The following TAFA2 variants were observed in gnomAD, a reference collection of about 807,000 sequenced individuals.
TAFA2 encodes TAFA chemokine like family member 2.
TAFA2 carries 7 observed loss-of-function variants against 18.8 expected under a neutral mutation model. The ratio of observed to expected loss-of-function variants is 0.37; its 90% CI spans 0.21 to 0.70. TAFA2 has a LOEUF of 0.70. Ranked by LOEUF, TAFA2 falls within the 30% of genes least tolerant of loss-of-function variation. The pLI is 0.53. For missense variants in TAFA2, 122 were observed against 158.1 expected (o/e 0.77, Z 1.23); for synonymous variants, 60 against 54.2 (o/e 1.11, Z -0.47).
chr12:62,149,724 AG>A (rs2062314737), intron 1 of TAFA2, among the ~76,000 whole-genome samples: 1 of 152,014 alleles, frequency 6.6e-6, no homozygotes, highest in African/African-American at 2.4e-5. Flanking sequence ...ATCATTTTTA[AG>A]GTTCATTCTT....
At chr12:62,025,407 A>C (rs1468276767) in intron 1 of TAFA2, among the ~76,000 whole-genome samples, 1 of 152,190 alleles carries the variant, frequency 6.6e-6, no homozygotes, top group Non-Finnish European at 1.5e-5. Context: ...AATCAAAAAT[A>C]AATGTTGAAA....
chr12:62,172,397 T>C (rs917448997), intron 1 of TAFA2, among the ~76,000 whole-genome samples: 1 of 152,174 alleles, frequency 6.6e-6, no homozygotes, highest in East Asian at 1.9e-4. Context: ...TAAATTGAAG[T>C]TGTGTATGTG....
intron 1 of TAFA2, among the ~76,000 whole-genome samples, chr12:62,237,424 A>C (rs1356229324): frequency 6.6e-6 from 1 of 152,208 alleles, no homozygotes; most frequent in African/African-American, 2.4e-5. Context: ...TTTATCTAGC[A>C]AATTTATATA....
At chr12:61,883,598 G>A (rs1247506267) in intron 1 of TAFA2, among the ~76,000 whole-genome samples, 1 of 152,160 alleles carries the variant, frequency 6.6e-6, no homozygotes, top group African/African-American at 2.4e-5. Flanking sequence ...ATGCAAGTAA[G>A]AGAATGATGT....
intron 1 of TAFA2, among the ~76,000 whole-genome samples, chr12:62,050,082 T>TA: frequency 6.6e-6 from 1 of 152,298 alleles, no homozygotes; most frequent in East Asian, 1.9e-4. Context: ...GTAACATTCC[T>TA]GAAGTTATCT....
At chr12:62,203,757 C>A (rs535637371) in intron 1 of TAFA2, among the ~76,000 whole-genome samples, 12 of 152,160 alleles carry the variant, frequency 7.9e-5, no homozygotes, top group Non-Finnish European at 1.6e-4. Flanking sequence ...CTCTTGAATA[C>A]AACATACCAA....
At chr12:61,734,726 T>A (rs1447428253) in intron 4 of TAFA2, among the ~76,000 whole-genome samples, 1 of 152,020 alleles carries the variant, frequency 6.6e-6, no homozygotes. Context: ...CACTGCTTAC[T>A]CACAATGTAA....
In TAFA2 at chr12:62,162,774, A is replaced by T. The variant is rs541605694; in HGVS notation, c.-2+28485T>A. ...TATAATTTGAAAGGAATTTAGATCA[A>T]CAAATAGAAATTTAGATCAATTAAA... On this transcript the variant is annotated intron_variant, in intron 1 of 4. Transcript: ENST00000416284. Among the ~76,000 whole-genome samples the T allele has an allele frequency of 7.5e-4, 114 of 152,280 alleles. 1 individual carries two copies. Among genetic ancestry groups the T allele is most frequent in the African/African-American group, 2.6e-3 (109 of 41,564 alleles).
intron 1 of TAFA2, among the ~76,000 whole-genome samples, chr12:62,090,143 T>C (rs572775585): frequency 7.9e-5 from 12 of 152,232 alleles, no homozygotes; most frequent in African/African-American, 2.9e-4. Context: ...CGTTCAGATC[T>C]TGGCTTTTCC....
At chr12:61,850,542 A>G (rs1468448179) in intron 2 of TAFA2, among the ~76,000 whole-genome samples, 1 of 152,140 alleles carries the variant, frequency 6.6e-6, no homozygotes, top group East Asian at 1.9e-4. Context: ...GCATACAACT[A>G]TGCAATAATG....
At chr12:62,023,311 T>G (rs1217850066) in intron 1 of TAFA2, among the ~76,000 whole-genome samples, 2 of 152,022 alleles carry the variant, frequency 1.3e-5, no homozygotes, top group Non-Finnish European at 2.9e-5. Context: ...TATGTGGCAT[T>G]TGCCTTGATT....
intron 1 of TAFA2, among the ~76,000 whole-genome samples, chr12:62,153,436 G>A (rs1022596812): frequency 6.6e-6 from 1 of 152,264 alleles, no homozygotes. Flanking sequence ...ACAATGGTGG[G>A]AGGATCACTT....
chr12:62,121,365 G>C (rs1168305566), intron 1 of TAFA2, among the ~76,000 whole-genome samples: 2 of 152,140 alleles, frequency 1.3e-5, no homozygotes, highest in African/African-American at 4.8e-5. Flanking sequence ...AGAGACCTCA[G>C]ATTAAGTCCA....
intron 1 of TAFA2, among the ~76,000 whole-genome samples, chr12:62,106,859 C>A (rs1415923214): frequency 1.5e-5 from 2 of 134,326 alleles, no homozygotes; most frequent in African/African-American, 5.6e-5. Flanking sequence ...TGCAATAGAG[C>A]GTTCTGTTTT....
At chr12:61,716,763 T>G (rs1016181812) in intron 4 of TAFA2, among the ~76,000 whole-genome samples, 1 of 152,134 alleles carries the variant, frequency 6.6e-6, no homozygotes, top group Non-Finnish European at 1.5e-5. Context: ...TGTTATTAGA[T>G]GAACATTTAT....
At chr12:61,940,734 C>T (rs1372612916) in intron 1 of TAFA2, among the ~76,000 whole-genome samples, 1 of 152,064 alleles carries the variant, frequency 6.6e-6, no homozygotes, top group Non-Finnish European at 1.5e-5. Flanking sequence ...GTAAATGCCA[C>T]TTGAGGAAAG....
At chr12:61,900,479 T>C (rs1042927190) in intron 1 of TAFA2, among the ~76,000 whole-genome samples, 1 of 152,182 alleles carries the variant, frequency 6.6e-6, no homozygotes, top group Non-Finnish European at 1.5e-5. Context: ...AAAGATTTAA[T>C]TGACTTACAG....
At chr12:62,145,911 G>A (rs1431039050) in intron 1 of TAFA2, among the ~76,000 whole-genome samples, 1 of 152,200 alleles carries the variant, frequency 6.6e-6, no homozygotes, top group Non-Finnish European at 1.5e-5. Context: ...ACCCCCTTGG[G>A]TAGGATACCA....
At chr12:61,981,284 C>T (rs1879627053) in intron 1 of TAFA2, among the ~76,000 whole-genome samples, 1 of 152,142 alleles carries the variant, frequency 6.6e-6, no homozygotes, top group African/African-American at 2.4e-5. Context: ...GCATCCCTTC[C>T]TTACGCCTTA....
Sources: gnomAD v4.1 joint callset for allele counts (sites outside exome capture counted in the v4.1 genomes callset) on GRCh38, gnomAD v4.1.1 for gene constraint, MANE v1.5 for transcripts, NCBI Gene and HGNC (gene_info 2026-07-23, HGNC 2026-07-21) for gene names.